Variants in ADAMTS17 observed in about 807,000 individuals in gnomAD.
The protein encoded by ADAMTS17 is A disintegrin and metalloproteinase with thrombospondin motifs 17.
A neutral mutation model predicts 141.5 loss-of-function variants in ADAMTS17; 113 were observed. The ratio of observed to expected loss-of-function variants is 0.80; its 90% CI spans 0.69 to 0.93. ADAMTS17 has a LOEUF of 0.93. Ranked by LOEUF, ADAMTS17 falls within the 40% of genes least tolerant of loss-of-function variation. ADAMTS17 has a pLI of 0.00. For missense variants in ADAMTS17, 1,659 were observed against 1,517.9 expected, an observed-to-expected ratio of 1.09 and a Z score of -1.54; for synonymous variants, 768 against 630.6, an observed-to-expected ratio of 1.22 and a Z score of -3.27.
intron 15 of ADAMTS17, among the ~76,000 whole-genome samples, chr15:100,092,111 G>C (rs1041348886): frequency 2.6e-5 from 4 of 152,202 alleles, no homozygotes; most frequent in African/African-American, 9.7e-5. Context: ...AAATTCTCTG[G>C]CATGTCTAGG....
At chr15:100,197,092 C>T (rs1261790158) in intron 8 of ADAMTS17, among the ~76,000 whole-genome samples, 3 of 152,178 alleles carry the variant, frequency 2.0e-5, no homozygotes, top group South Asian at 2.1e-4. Flanking sequence ...TGCAGACCTC[C>T]GCTGCAGGGA....
intron 15 of ADAMTS17, among the ~76,000 whole-genome samples, chr15:100,060,024 A>C (rs1033804180): frequency 2.0e-5 from 3 of 152,196 alleles, no homozygotes; most frequent in Non-Finnish European, 4.4e-5. Flanking sequence ...ATATTGTTGG[A>C]CCCAGAAAGC....
At position 100,206,525 on chromosome 15, in the gene ADAMTS17, C is replaced by T. The variant is rs1004926907; in HGVS notation, c.1076-7102G>A. Among the ~76,000 whole-genome samples the T allele has an allele frequency of 4.6e-5, 7 of 152,338 alleles. No homozygotes were observed. In the South Asian group the frequency reaches 6.2e-4, roughly 14 times the overall value. ...AATTTTAAAATGAACTTGCCTTAGT[C>T]CCACTTCAGTGACAGCTTTCAGCCT... On this transcript the variant is annotated intron_variant, in intron 7 of 21. Transcript: ENST00000268070.
chr15:100,288,811 A>C (rs1295275436), intron 3 of ADAMTS17, among the ~76,000 whole-genome samples: 2 of 152,364 alleles, frequency 1.3e-5, no homozygotes, highest in East Asian at 1.9e-4. Flanking sequence ...ACTAATGAGA[A>C]AAAAGATACA....
Position 100,180,114 on chromosome 15 carries a change from T to G in ADAMTS17, c.1181+19204A>C, listed in dbSNP as rs2040473801. On this transcript the variant is annotated intron_variant, in intron 8 of 21. Coordinates refer to ENST00000268070, the MANE Select transcript of ADAMTS17 (RefSeq NM_139057.4). ...GAAATCTTTGCCCAGACCACTGTCCTGGAGTGTCTCCCCACTGTTTTATCA... is the reference window on the plus strand; with the variant it reads ...GAAATCTTTGCCCAGACCACTGTCCGGGAGTGTCTCCCCACTGTTTTATCA... Among the ~76,000 whole-genome samples the G allele has an allele frequency of 2.6e-5, 4 of 152,240 alleles. No homozygotes were observed. The South Asian group carries it at 8.3e-4, about 31-fold the overall frequency.
intron 7 of ADAMTS17, among the ~76,000 whole-genome samples, chr15:100,209,114 A>G (rs796785392): frequency 8.1e-5 from 1 of 12,366 alleles, no homozygotes; most frequent in Admixed American, 1.5e-3. Context: ...CCAAGTTAGC[A>G]AAAAAAAAAA....
At chr15:100,167,869 A>C (rs2040010054) in intron 8 of ADAMTS17, among the ~76,000 whole-genome samples, 1 of 152,170 alleles carries the variant, frequency 6.6e-6, no homozygotes, top group Non-Finnish European at 1.5e-5. Flanking sequence ...GAAAGCACTG[A>C]GCTCTTTTGA....
At chr15:100,171,415 C>T (rs952971004) in intron 8 of ADAMTS17, among the ~76,000 whole-genome samples, 2 of 152,188 alleles carry the variant, frequency 1.3e-5, no homozygotes, top group South Asian at 2.1e-4. Context: ...CATCCCACCT[C>T]GCAGGGCTAT....
intron 10 of ADAMTS17, among the ~76,000 whole-genome samples, chr15:100,150,601 C>G (rs1226770430): frequency 6.6e-6 from 1 of 152,156 alleles, no homozygotes; most frequent in Non-Finnish European, 1.5e-5. Context: ...CTCATCCAAC[C>G]GGGATGCAAG....
chr15:100,143,139 G>C (rs1010072601), intron 10 of ADAMTS17, among the ~76,000 whole-genome samples: 5 of 152,212 alleles, frequency 3.3e-5, no homozygotes, highest in African/African-American at 1.2e-4. Flanking sequence ...TGATGGGGCA[G>C]ATGAACACCT....
chr15:100,254,212 G>C, intron 6 of ADAMTS17, 33 bp from the exon 7 acceptor site: 3 of 1,591,122 alleles, frequency 1.9e-6, no homozygotes, highest in South Asian at 2.2e-5. Flanking sequence ...TCAGGTATAT[G>C]CAGTATCCCC....
intron 8 of ADAMTS17, among the ~76,000 whole-genome samples, chr15:100,182,006 G>A (rs528645176): frequency 6.6e-6 from 1 of 152,344 alleles, no homozygotes; most frequent in Admixed American, 6.5e-5. Context: ...CCACTGGGAT[G>A]GGTGATTCCT....
At chr15:100,123,617 C>A (rs535150553) in intron 12 of ADAMTS17, among the ~76,000 whole-genome samples, 6 of 152,244 alleles carry the variant, frequency 3.9e-5, no homozygotes, top group African/African-American at 1.4e-4. Context: ...AGCCGACACG[C>A]CCAGAGGGCT....
intron 3 of ADAMTS17, among the ~76,000 whole-genome samples, chr15:100,303,518 G>A (rs1228247834): frequency 6.6e-6 from 1 of 151,968 alleles, no homozygotes; most frequent in East Asian, 1.9e-4. Context: ...GGTACCGTAT[G>A]TAAGAAACCA....
In ADAMTS17 at chr15:100,053,999, G is replaced by A. The variant is rs1477119001; in HGVS notation, c.2193C>T (p.Pro731=). Residue 731 remains proline, a synonymous_variant, in exon 16 of 22, where the codon CCC becomes CCT. Coordinates refer to ENST00000268070, the MANE Select transcript of ADAMTS17 (RefSeq NM_139057.4). ...SINSDWKIEL[P]GEFQIAGTTV... ...TTGTGCCTGCAATCTGGAACTCTCC[G>A]GGGAGCTCTATCTTCCAGTCACTGT... The A allele has an allele frequency of 1.1e-5, 18 of 1,614,146 alleles. No individual in the cohort carries two copies. The highest frequency in any genetic ancestry group is 1.3e-5 in the African/African-American group (1 of 75,024).
chr15:100,211,291 T>C (rs1172619289), intron 7 of ADAMTS17, among the ~76,000 whole-genome samples: 5 of 91,536 alleles, frequency 5.5e-5, no homozygotes, highest in Non-Finnish European at 1.1e-4. Flanking sequence ...GCAAGACAAC[T>C]TCATCTCAAA....
At chr15:100,076,765 A>G (rs1346340662) in intron 15 of ADAMTS17, among the ~76,000 whole-genome samples, 3 of 152,288 alleles carry the variant, frequency 2.0e-5, no homozygotes, top group East Asian at 3.9e-4. Flanking sequence ...TTCTCACTGG[A>G]AGAAGTTTAA....
chr15:100,110,341 T>C (rs1351555318), intron 13 of ADAMTS17, among the ~76,000 whole-genome samples: 3 of 151,186 alleles, frequency 2.0e-5, no homozygotes, highest in African/African-American at 7.3e-5. Flanking sequence ...CTCAGCTCAA[T>C]GCAAACTCCG....
At chr15:100,126,260 C>T (rs1278358150) in intron 12 of ADAMTS17, 2 of 152,192 alleles carry the variant, frequency 1.3e-5, no homozygotes, top group Non-Finnish European at 2.9e-5. Flanking sequence ...TTCCCATTCA[C>T]CTGGGCTGGA....
Sources: allele counts gnomAD v4.1 joint callset (sites outside exome capture counted in the v4.1 genomes callset), GRCh38; gene constraint gnomAD v4.1.1; transcripts MANE v1.5; gene names NCBI Gene and HGNC (gene_info 2026-07-23, HGNC 2026-07-21).